Variants in BACH2 observed in about 807,000 individuals in gnomAD.
The protein encoded by BACH2 is BACH transcriptional regulator 2, also known as transcription regulator protein BACH2.
Under a neutral mutation model 61.8 loss-of-function variants are expected in BACH2, and 5 were observed. That is an observed-to-expected ratio of 0.08 (90% CI 0.04 to 0.17). The LOEUF (loss-of-function observed/expected upper bound fraction) is 0.17, where lower values mean the gene tolerates loss of function less well. Among genes scored for constraint, BACH2 ranks in the 10% least tolerant of loss-of-function variants. The probability of loss-of-function intolerance (pLI) is 1.00; values close to 1 mark genes in which losing one functional copy is unlikely to be tolerated. For synonymous variants in BACH2, 446 were observed against 440.1 expected, an observed-to-expected ratio of 1.01 and a Z score of -0.17; for missense variants, 824 against 1,091.1, an observed-to-expected ratio of 0.76 and a Z score of 3.45.
intron 2 of BACH2, among the ~76,000 whole-genome samples, chr6:90,253,903 T>A (rs1315116845): frequency 2.0e-5 from 3 of 152,136 alleles, no homozygotes; most frequent in African/African-American, 7.2e-5. Context: ...CTATTTTTTT[T>A]AAACTATCAT....
intron 4 of BACH2, among the ~76,000 whole-genome samples, chr6:90,198,136 C>G (rs533487257): frequency 4.6e-5 from 7 of 152,246 alleles, no homozygotes; most frequent in South Asian, 4.1e-4. Context: ...ATGCTTGACT[C>G]GGAGCCACTA....
At chr6:90,134,548 G>A (rs1784210008) in intron 4 of BACH2, among the ~76,000 whole-genome samples, 1 of 152,190 alleles carries the variant, frequency 6.6e-6, no homozygotes, top group Non-Finnish European at 1.5e-5. Context: ...TATAGTTCAG[G>A]TGGTCAGGGG....
intron 1 of BACH2, among the ~76,000 whole-genome samples, chr6:90,284,905 C>T (rs949316248): frequency 6.6e-6 from 1 of 152,180 alleles, no homozygotes; most frequent in South Asian, 2.1e-4. Context: ...CATCATGTTA[C>T]ACACAGTCAC....
At chr6:90,250,394 C>T (rs1426624242) in intron 3 of BACH2, among the ~76,000 whole-genome samples, 1 of 152,214 alleles carries the variant, frequency 6.6e-6, no homozygotes, top group African/African-American at 2.4e-5. Context: ...AAGGAGTCAA[C>T]TTTCCATGTA....
chr6:90,122,950 T>C (rs1783692849), intron 4 of BACH2, among the ~76,000 whole-genome samples: 1 of 152,206 alleles, frequency 6.6e-6, no homozygotes, highest in South Asian at 2.1e-4. Context: ...ATGGTAAATC[T>C]AGAATGTTTT....
In BACH2 at chr6:89,951,721, G is replaced by A; in HGVS notation, c.385C>T (p.Leu129=). ...HNLEDSCFSF[L]QTQLLNSEDG... Reference sequence around the variant, plus strand: ...TCACTGTTCAGGAGCTGGGTCTGCAGGAAGCTGAAGCAGGAGTCCTCCAGG... The same window carrying A: ...TCACTGTTCAGGAGCTGGGTCTGCAAGAAGCTGAAGCAGGAGTCCTCCAGG... The change falls in exon 7 of 9, where the codon CTG becomes TTG. Residue 129 remains leucine (L), a synonymous_variant. Coordinates refer to ENST00000257749, the MANE Select transcript of BACH2 (RefSeq NM_021813.4). The surrounding 1 kb of genome is among the most constrained non-coding windows in gnomAD (Gnocchi z 6.4). 3 of 1,614,256 alleles carry A rather than the reference G, an allele frequency of 1.9e-6. No homozygotes were observed. The highest frequency in any genetic ancestry group is 2.5e-6 in the Non-Finnish European group (3 of 1,180,048).
intron 4 of BACH2, among the ~76,000 whole-genome samples, chr6:90,171,136 T>C (rs931227316): frequency 6.6e-6 from 1 of 151,126 alleles, no homozygotes; most frequent in Non-Finnish European, 1.5e-5. Context: ...CCAGGCTGGG[T>C]GCAGTGGCTC....
chr6:89,932,831 T>C lies in BACH2; in HGVS notation c.2103A>G (p.Glu701=), dbSNP rs116588681. ...AAAGGCAGGAGAAGTTGTCCAACAG[T>C]TCCCCCATGCATGCTTTCAGTTGAT... ...ERNQLKACMG[E]LLDNFSCLSQ... is the part of the protein sequence containing the mutation. The change falls in exon 9 of 9, where the codon GAA becomes GAG. Residue 701 remains glutamate (E), a synonymous_variant. Transcript: ENST00000257749. 647 of 1,612,114 alleles carry C rather than the reference T, an allele frequency of 4.0e-4. 1 individual carries two copies. In the African/African-American group the frequency reaches 8.0e-3, roughly 20 times the overall value.
intron 4 of BACH2, among the ~76,000 whole-genome samples, chr6:90,189,641 A>AG (rs1310257204): frequency 7.0e-6 from 1 of 143,212 alleles, no homozygotes; most frequent in Non-Finnish European, 1.5e-5. Flanking sequence ...AAAAAAAAAG[A>AG]GTGGGCTTCC....
chr6:90,052,632 G>A (rs970293855), intron 5 of BACH2, among the ~76,000 whole-genome samples: 1 of 152,158 alleles, frequency 6.6e-6, no homozygotes, highest in Non-Finnish European at 1.5e-5. Flanking sequence ...TGTTGGCCAG[G>A]CTGGTCTTGA....
chr6:90,040,364 G>GT (rs1779474391), intron 5 of BACH2, among the ~76,000 whole-genome samples: 1 of 151,988 alleles, frequency 6.6e-6, no homozygotes, highest in Non-Finnish European at 1.5e-5. Context: ...CTTCCTTAAT[G>GT]TAAACTAAAA....
chr6:90,057,613 A>G (rs959172118), intron 5 of BACH2, among the ~76,000 whole-genome samples: 3 of 152,230 alleles, frequency 2.0e-5, no homozygotes, highest in Non-Finnish European at 2.9e-5. Flanking sequence ...AATCCTCCCT[A>G]ACTCATTTTA....
intron 3 of BACH2, among the ~76,000 whole-genome samples, chr6:90,207,780 T>TACAC (rs1309935631): frequency 6.6e-6 from 1 of 152,222 alleles, no homozygotes; most frequent in African/African-American, 2.4e-5. Flanking sequence ...TCTTTAGTTC[T>TACAC]TAGTAATCAG....
intron 4 of BACH2, among the ~76,000 whole-genome samples, chr6:90,136,664 C>T (rs1475041723): frequency 6.6e-6 from 1 of 151,980 alleles, no homozygotes; most frequent in African/African-American, 2.4e-5. Flanking sequence ...AACAGATTAA[C>T]TACAAATGCT....
chr6:90,229,248 C>T (rs770715379), intron 3 of BACH2, among the ~76,000 whole-genome samples: 44 of 152,154 alleles, frequency 2.9e-4, no homozygotes, highest in Non-Finnish European at 5.4e-4. Context: ...GACCTGAGGT[C>T]GGGAGTTCAA....
At chr6:89,981,144 T>C (rs1775929522) in intron 6 of BACH2, among the ~76,000 whole-genome samples, 1 of 152,086 alleles carries the variant, frequency 6.6e-6, no homozygotes, top group Admixed American at 6.5e-5. Flanking sequence ...TTTTTTTTTT[T>C]TTTTAGACAA....
chr6:90,085,503 T>C (rs538524151), intron 5 of BACH2, among the ~76,000 whole-genome samples: 69 of 152,310 alleles, frequency 4.5e-4, no homozygotes, highest in Admixed American at 2.7e-3. Flanking sequence ...TTCGCCCCAG[T>C]GAAGCAGGTC....
rs935530574 is a variant in BACH2 at position 90,165,153 on chromosome 6, A to G, written c.-162+41416T>C. Among the ~76,000 whole-genome samples, 10 of 152,246 alleles carry G rather than the reference A, an allele frequency of 6.6e-5. 1 individual carries two copies. The highest frequency in any genetic ancestry group is 1.9e-4 in the African/African-American group (8 of 41,464). ...CTCTTTGCAGATGACATGATTGTAT[A>G]TCTAGAAAACCCCATCATCTCAGCA... On this transcript the variant is annotated intron_variant, in intron 4 of 8. Transcript: ENST00000257749.
At chr6:90,279,286 G>A (rs919313280) in intron 1 of BACH2, among the ~76,000 whole-genome samples, 1 of 152,098 alleles carries the variant, frequency 6.6e-6, no homozygotes, top group Non-Finnish European at 1.5e-5. Flanking sequence ...ACTTTGGGAG[G>A]CTGAGGTGGG....
Sources: allele counts gnomAD v4.1 joint callset (sites outside exome capture counted in the v4.1 genomes callset), GRCh38; gene constraint gnomAD v4.1.1; non-coding constraint Gnocchi (gnomAD v3.1); transcripts MANE v1.5; gene names NCBI Gene and HGNC (gene_info 2026-07-23, HGNC 2026-07-21).